Variants in LRP4 observed in about 807,000 individuals in gnomAD.
LRP4 encodes LDL receptor related protein 4.
A neutral mutation model predicts 220.3 loss-of-function variants in LRP4; 95 were observed. The ratio of observed to expected loss-of-function variants is 0.43; its 90% CI spans 0.37 to 0.51. The LOEUF (loss-of-function observed/expected upper bound fraction) is 0.51, where lower values mean the gene tolerates loss of function less well. LRP4 is among the 20% of genes least tolerant of loss of function. The probability of loss-of-function intolerance (pLI) is 0.00; values close to 1 mark genes in which losing one functional copy is unlikely to be tolerated. For synonymous variants in LRP4, 903 were observed against 954.6 expected (o/e 0.95, Z 1.00); for missense variants, 1,925 against 2,567.0 (o/e 0.75, Z 5.40).
Position 46,875,215 on chromosome 11 carries a change from GT to G in LRP4, c.3926-113del. ...TTGCTGTTCTAAGTGACAGGATTCA[GT>G]GCCTGGCAGGGTGAGGTAGAAGGAG... On this transcript the variant is annotated intron_variant, in intron 27 of 37. Transcript: ENST00000378623. The surrounding 1 kb of genome is among the most constrained non-coding windows in gnomAD (Gnocchi z 4.5). 1 of 1,172,426 alleles carries G rather than the reference GT, an allele frequency of 8.5e-7. No homozygotes were observed. Among genetic ancestry groups the G allele is most frequent in the Non-Finnish European group, 1.2e-6 (1 of 813,848 alleles). The allele number at this position is 1,172,426 out of a possible 1,614,324, so 72.6% of individuals were successfully genotyped here.
At chr11:46,898,713 T>G in intron 6 of LRP4, 36 bp from the exon 7 acceptor site, 1 of 1,613,508 alleles carries the variant, frequency 6.2e-7, no homozygotes, top group South Asian at 1.1e-5. Context: ...CTAGCCAGTC[T>G]GTGCAGTGTC....
intron 22 of LRP4, 92 bp downstream of exon 22, chr11:46,878,815 C>T: frequency 6.3e-7 from 1 of 1,577,624 alleles, no homozygotes; most frequent in East Asian, 2.2e-5. Flanking sequence ...CATGGTTTCT[C>T]AGACCACATT....
At chr11:46,885,966 C>T in intron 18 of LRP4, 125 bp downstream of exon 18, 1 of 845,554 alleles carries the variant, frequency 1.2e-6, no homozygotes, top group Non-Finnish European at 2.0e-6. Flanking sequence ...TTCTGACCTA[C>T]CAAGGACTTG....
chr11:46,867,993 C>T lies in LRP4; in HGVS notation c.5073G>A (p.Glu1691=), dbSNP rs1445187056. ...AACCTATTTACCTTCCTTCCACCTC[C>T]TCCAGAGACGTGCGGGTCCGGGTGG... is the stretch of plus-strand genomic sequence containing the variant. The part of the protein sequence containing the change: ...SSTTRTRTSL[E]EVEGRCSERD... The change falls in exon 34 of 38, where the codon GAG becomes GAA. Residue 1691 remains glutamate (E), a synonymous_variant. Coordinates refer to ENST00000378623, the MANE Select transcript of LRP4 (RefSeq NM_002334.4). 1.2e-6 allele frequency: 2 copies of T among 1,614,050 alleles called. No homozygotes were observed. Among genetic ancestry groups the T allele is most frequent in the Non-Finnish European group, 1.7e-6 (2 of 1,180,032 alleles).
intron 7 of LRP4, 101 bp from the exon 8 acceptor site, chr11:46,897,095 T>C (rs1261919135): frequency 6.8e-7 from 1 of 1,461,284 alleles, no homozygotes; most frequent in African/African-American, 1.4e-5. Flanking sequence ...ATGCCACTCT[T>C]GACACCGGGA....
chr11:46,868,479 A>G (rs950420146), intron 33 of LRP4, 121 bp downstream of exon 33: 1 of 807,812 alleles, frequency 1.2e-6, no homozygotes, highest in African/African-American at 1.7e-5. Context: ...CACTCCACTA[A>G]TAAGACCTTC....
intron 36 of LRP4, 37 bp from the exon 37 acceptor site, chr11:46,862,784 C>A (rs750810124): frequency 7.5e-6 from 12 of 1,602,172 alleles, no homozygotes; most frequent in Non-Finnish European, 1.0e-5. Context: ...TAGTCGAGAT[C>A]TTTAAGGGGA....
chr11:46,917,557 T>G (rs1941966123), intron 1 of LRP4, among the ~76,000 whole-genome samples: 1 of 152,170 alleles, frequency 6.6e-6, no homozygotes, highest in Non-Finnish European at 1.5e-5. Flanking sequence ...GCCCGGCGGC[T>G]GCCTTCTGGG....
At chr11:46,867,827 G>T in intron 34 of LRP4, 152 bp downstream of exon 34, 1 of 907,048 alleles carries the variant, frequency 1.1e-6, no homozygotes, top group Non-Finnish European at 1.7e-6. Flanking sequence ...CAATCTACAA[G>T]TCTGAATATC....
chr11:46,886,056 G>A, intron 18 of LRP4, 35 bp downstream of exon 18: 1 of 1,578,350 alleles, frequency 6.3e-7, no homozygotes, highest in Non-Finnish European at 8.7e-7. Context: ...AGGAATCCCA[G>A]GGAGCCAGGC....
chr11:46,892,945 A>C, intron 13 of LRP4, 28 bp downstream of exon 13: 1 of 1,610,922 alleles, frequency 6.2e-7, no homozygotes. Flanking sequence ...GGTTGCAAGA[A>C]AGTTCGGGAG....
At chr11:46,898,514 T>G (rs1371252887) in intron 7 of LRP4, 44 bp downstream of exon 7, 1 of 1,613,054 alleles carries the variant, frequency 6.2e-7, no homozygotes, top group Non-Finnish European at 8.5e-7. Flanking sequence ...TCCACAAGCC[T>G]TCTCCTTAGT....
chr11:46,877,017 C>G (rs1177323746), intron 23 of LRP4, among the ~76,000 whole-genome samples, 182 bp downstream of exon 23: 2 of 152,122 alleles, frequency 1.3e-5, no homozygotes, highest in Non-Finnish European at 2.9e-5. Context: ...AAGAGGGCCC[C>G]AAACCATGCT....
intron 1 of LRP4, among the ~76,000 whole-genome samples, chr11:46,904,351 T>A (rs968733986): frequency 6.6e-6 from 1 of 152,164 alleles, no homozygotes; most frequent in African/African-American, 2.4e-5. Context: ...AGCCTAGGGC[T>A]TAGGGCCAGG....
chr11:46,885,434 T>C (rs1180139345), intron 18 of LRP4, among the ~76,000 whole-genome samples: 2 of 152,140 alleles, frequency 1.3e-5, no homozygotes, highest in Non-Finnish European at 2.9e-5. Flanking sequence ...GAGTAGCACT[T>C]GTTCAGGGTA....
At position 46,865,171 on chromosome 11, in the gene LRP4, A is replaced by G; in HGVS notation, c.5103T>C (p.Asp1701=). The change falls in exon 35 of 38, where the codon GAT becomes GAC. Residue 1701 remains aspartate (D), a synonymous_variant. Transcript: ENST00000378623. The part of the protein sequence containing the change: ...EEVEGRCSER[D]ARLGLCARSN... ...AACGTGCACAGAGGCCCAGCCTGGC[A>G]TCCCTTTCAGAGCATCTGTGGGGCA... 1 of 1,557,404 alleles carries G rather than the reference A, an allele frequency of 6.4e-7. No homozygotes were observed.
At chr11:46,882,579 C>T (rs1478165614) in intron 19 of LRP4, among the ~76,000 whole-genome samples, 1 of 152,122 alleles carries the variant, frequency 6.6e-6, no homozygotes, top group Non-Finnish European at 1.5e-5. Flanking sequence ...AGGCCAGGTG[C>T]AGTGGCTCAC....
intron 37 of LRP4, among the ~76,000 whole-genome samples, chr11:46,859,592 A>G (rs985150382): frequency 6.6e-6 from 1 of 152,128 alleles, no homozygotes; most frequent in Non-Finnish European, 1.5e-5. Flanking sequence ...CCTTAGGCAA[A>G]TTATTTCACA....
At chr11:46,904,895 G>A (rs1941733909) in intron 1 of LRP4, among the ~76,000 whole-genome samples, 1 of 140,770 alleles carries the variant, frequency 7.1e-6, no homozygotes, top group East Asian at 2.2e-4. Context: ...AGAATCACTT[G>A]AGCCCGGGAG....
Sources: gnomAD v4.1 joint callset for allele counts (sites outside exome capture counted in the v4.1 genomes callset) on GRCh38, gnomAD v4.1.1 for gene constraint, Gnocchi (gnomAD v3.1) non-coding constraint, MANE v1.5 for transcripts, NCBI Gene and HGNC (gene_info 2026-07-23, HGNC 2026-07-21) for gene names.